Variants in NT5C2 observed in about 807,000 individuals in gnomAD.
NT5C2 encodes 5'-nucleotidase, cytosolic II, also known as cytosolic purine 5'-nucleotidase.
NT5C2 carries 58 observed loss-of-function variants against 76.1 expected under a neutral mutation model. The observed-to-expected ratio is 0.76, with a 90% CI of 0.62 to 0.95. NT5C2 has a LOEUF of 0.95. Among genes scored for constraint, NT5C2 ranks in the 40% least tolerant of loss-of-function variants. NT5C2 has a pLI of 0.00. For missense variants in NT5C2, 478 were observed against 690.3 expected, an observed-to-expected ratio of 0.69 and a Z score of 3.45; for synonymous variants, 229 against 237.4, an observed-to-expected ratio of 0.96 and a Z score of 0.32.
At chr10:103,118,443 G>A (rs764531622) in intron 4 of NT5C2, among the ~76,000 whole-genome samples, 7 of 147,002 alleles carry the variant, frequency 4.8e-5, no homozygotes, top group Non-Finnish European at 8.9e-5. Context: ...TGCAACCTCC[G>A]CCTCCCAGGA....
chr10:103,132,494 G>A (rs773471778), intron 4 of NT5C2, among the ~76,000 whole-genome samples: 2 of 152,044 alleles, frequency 1.3e-5, no homozygotes, highest in African/African-American at 2.4e-5. Context: ...ATAGGAGAGG[G>A]GAAAGGAGAA....
intron 3 of NT5C2, among the ~76,000 whole-genome samples, chr10:103,154,681 G>C (rs2083015665): frequency 6.6e-6 from 1 of 152,130 alleles, no homozygotes; most frequent in Admixed American, 6.5e-5. Context: ...ACTGAGGGTA[G>C]GGGAACAGGA....
At chr10:103,091,368 G>A (rs189323672) in intron 16 of NT5C2, among the ~76,000 whole-genome samples, 196 bp downstream of exon 16, 17 of 150,418 alleles carry the variant, frequency 1.1e-4, no homozygotes, top group East Asian at 3.9e-4. Context: ...TTTTTGAGAC[G>A]GAGTTTCACT....
chr10:103,130,369 G>A (rs1591251483), intron 4 of NT5C2, among the ~76,000 whole-genome samples: 1 of 151,802 alleles, frequency 6.6e-6, no homozygotes. Context: ...TGCTCGTTAA[G>A]AGTCATCACA....
chr10:103,098,765 T>G (rs1414684347), intron 10 of NT5C2, 166 bp downstream of exon 10: 1 of 582,410 alleles, frequency 1.7e-6, no homozygotes, highest in Non-Finnish European at 3.0e-6. Context: ...AAAACTCTAC[T>G]AAGACCTATG....
In NT5C2 at chr10:103,102,258, CAT is replaced by C. The variant is rs982710402; in HGVS notation, c.390-934_390-933del. Among the ~76,000 whole-genome samples the C allele has an allele frequency of 1.4e-4, 21 of 152,124 alleles. No individual in the cohort carries two copies. In the South Asian group the frequency reaches 1.5e-3, roughly 11 times the overall value. ...GGATCCAAGCAGAGACCTAGAAAAA[CAT>C]GTGTGTATTGAGGCTTAATCTCTCT... is the stretch of plus-strand genomic sequence containing the variant. On this transcript the variant is annotated intron_variant, in intron 6 of 18. Transcript: ENST00000404739.
At chr10:103,136,547 A>C (rs2079280031) in intron 4 of NT5C2, among the ~76,000 whole-genome samples, 1 of 152,214 alleles carries the variant, frequency 6.6e-6, no homozygotes, top group Admixed American at 6.5e-5. Flanking sequence ...GAAAGCATTA[A>C]AATACGAAGT....
At chr10:103,152,935 G>A (rs2082650242) in intron 3 of NT5C2, among the ~76,000 whole-genome samples, 1 of 152,022 alleles carries the variant, frequency 6.6e-6, no homozygotes, top group Non-Finnish European at 1.5e-5. Flanking sequence ...ATTTTAAAAC[G>A]CCATTGAATT....
intron 4 of NT5C2, among the ~76,000 whole-genome samples, chr10:103,121,839 C>T (rs546218671): frequency 2.6e-5 from 4 of 152,198 alleles, no homozygotes; most frequent in East Asian, 3.9e-4. Flanking sequence ...TTTCCAATCC[C>T]CCTAAGATTT....
At chr10:103,104,275 A>G (rs1475570131) in intron 6 of NT5C2, among the ~76,000 whole-genome samples, 1 of 152,244 alleles carries the variant, frequency 6.6e-6, no homozygotes, top group Non-Finnish European at 1.5e-5. Flanking sequence ...TGGAAACTTT[A>G]TTGGCTTATT....
intron 2 of NT5C2, among the ~76,000 whole-genome samples, chr10:103,177,578 G>T (rs1282738786): frequency 1.3e-5 from 2 of 152,202 alleles, no homozygotes; most frequent in East Asian, 3.9e-4. Flanking sequence ...CTGGAGTGCA[G>T]TGACATGATC....
At chr10:103,143,659 T>A (rs928096943) in intron 3 of NT5C2, among the ~76,000 whole-genome samples, 1 of 128,696 alleles carries the variant, frequency 7.8e-6, no homozygotes, top group African/African-American at 2.9e-5. Flanking sequence ...AGACTTTTTT[T>A]AAAAAGGAGT....
chr10:103,181,667 T>C (rs994575337), intron 1 of NT5C2, among the ~76,000 whole-genome samples: 1 of 152,216 alleles, frequency 6.6e-6, no homozygotes, highest in African/African-American at 2.4e-5. Flanking sequence ...AATTATGATG[T>C]AGTACAGTAA....
At position 103,089,841 on chromosome 10, in the gene NT5C2, G is replaced by A. The variant is rs908461351; in HGVS notation, c.1517C>T (p.Thr506Ile). The A allele has an allele frequency of 1.9e-6, 3 of 1,614,066 alleles. No individual in the cohort carries two copies. The highest frequency in any genetic ancestry group is 2.5e-6 in the Non-Finnish European group (3 of 1,180,010). ...GAAATCCACTGATGTGCGGTTCCGGGTGGCAAGAGGAGACTCCATCTCATT... is the reference window on the plus strand; with the variant it reads ...GAAATCCACTGATGTGCGGTTCCGGATGGCAAGAGGAGACTCCATCTCATT... ...DINEMESPLA[T>I]RNRTSVDFKD... Residue 506 changes from threonine (T) to isoleucine (I), a missense_variant, in exon 19 of 19, where the codon ACC (threonine) becomes ATC (isoleucine). Thr to Ile is a moderately conservative substitution (Grantham distance 89). Transcript: ENST00000404739.
chr10:103,169,298 T>C (rs2087219230), intron 3 of NT5C2: 1 of 152,218 alleles, frequency 6.6e-6, no homozygotes, highest in South Asian at 2.1e-4. Flanking sequence ...TATAATGTTT[T>C]TATTGTTCTA....
intron 3 of NT5C2, among the ~76,000 whole-genome samples, chr10:103,140,459 C>T (rs1297893464): frequency 2.0e-5 from 3 of 152,114 alleles, no homozygotes; most frequent in African/African-American, 2.4e-5. Context: ...CAACAGATAT[C>T]TTTTTTCCAT....
intron 4 of NT5C2, among the ~76,000 whole-genome samples, chr10:103,122,069 G>C (rs993978713): frequency 1.3e-5 from 2 of 152,108 alleles, no homozygotes; most frequent in African/African-American, 4.8e-5. Context: ...AGCTACTTGG[G>C]AGACTGAGGC....
chr10:103,175,043 T>C (rs1291762515), intron 2 of NT5C2, 61 bp from the exon 3 acceptor site: 2 of 961,244 alleles, frequency 2.1e-6, no homozygotes, highest in Admixed American at 2.1e-5. Flanking sequence ...TGACATCTGA[T>C]TTTTTTAAAA....
rs528793810 is a variant in NT5C2, at chr10:103,115,683, A to G, written c.176-8977T>C. On this transcript the variant is annotated intron_variant, in intron 4 of 18. Transcript: ENST00000404739. ...AACCAAGTATTACTGCAATTCAGAGAGATTAATTTAATATTAGTGAAAACT... is the reference window on the plus strand; with the variant it reads ...AACCAAGTATTACTGCAATTCAGAGGGATTAATTTAATATTAGTGAAAACT... Among the ~76,000 whole-genome samples the G allele has an allele frequency of 3.9e-5, 6 of 152,286 alleles. No individual in the cohort carries two copies. The South Asian group carries it at 1.2e-3, about 32-fold the overall frequency.
Sources: allele counts gnomAD v4.1 joint callset (sites outside exome capture counted in the v4.1 genomes callset), GRCh38; gene constraint gnomAD v4.1.1; transcripts MANE v1.5; gene names NCBI Gene and HGNC (gene_info 2026-07-23, HGNC 2026-07-21).